The following EPHA6 variants were observed in gnomAD, a reference collection of about 807,000 sequenced individuals.
EPHA6 encodes EPH receptor A6, also known as ephrin type-A receptor 6.
EPHA6 carries 50 observed loss-of-function variants against 112.0 expected under a neutral mutation model. The ratio of observed to expected loss-of-function variants is 0.45; its 90% CI spans 0.36 to 0.56. The LOEUF (loss-of-function observed/expected upper bound fraction) is 0.56. EPHA6 is among the 20% of genes least tolerant of loss of function. The pLI, the probability that EPHA6 is intolerant of heterozygous loss-of-function variation, is 0.00. For synonymous variants in EPHA6, 529 were observed against 490.7 expected (o/e 1.08, Z -1.03); for missense variants, 1,280 against 1,417.4 (o/e 0.90, Z 1.56).
At chr3:96,945,184 G>T (rs948570017) in intron 2 of EPHA6, among the ~76,000 whole-genome samples, 10 of 152,092 alleles carry the variant, frequency 6.6e-5, no homozygotes, top group African/African-American at 2.2e-4. Context: ...ATTGCAACCG[G>T]TCTGGTCCAT....
At chr3:97,481,849 G>T (rs372440392) in intron 9 of EPHA6, among the ~76,000 whole-genome samples, 1 of 152,198 alleles carries the variant, frequency 6.6e-6, no homozygotes, top group Non-Finnish European at 1.5e-5. Flanking sequence ...ATGACTTAAC[G>T]CAGGGCAACC....
chr3:97,085,635 A>G (rs1400611184), intron 3 of EPHA6, among the ~76,000 whole-genome samples: 2 of 152,060 alleles, frequency 1.3e-5, no homozygotes, highest in Non-Finnish European at 2.9e-5. Context: ...ACTTTTATCC[A>G]AAAGAATTTA....
chr3:97,328,774 C>T (rs1375617343), intron 5 of EPHA6, among the ~76,000 whole-genome samples: 1 of 151,952 alleles, frequency 6.6e-6, no homozygotes, highest in African/African-American at 2.4e-5. Context: ...TCATTGCTGA[C>T]TCCTAAATTC....
intron 11 of EPHA6, among the ~76,000 whole-genome samples, chr3:97,581,453 C>A (rs1338601397): frequency 1.3e-5 from 2 of 152,100 alleles, no homozygotes; most frequent in African/African-American, 2.4e-5. Context: ...AGTTCTATTG[C>A]ACGTATTAAA....
At chr3:97,517,491 A>T (rs1395080145) in intron 10 of EPHA6, among the ~76,000 whole-genome samples, 1 of 152,016 alleles carries the variant, frequency 6.6e-6, no homozygotes, top group African/African-American at 2.4e-5. Flanking sequence ...CAATAATTTT[A>T]TATATTAATG....
chr3:97,182,333 A>G (rs1164119567), intron 3 of EPHA6, among the ~76,000 whole-genome samples: 1 of 148,798 alleles, frequency 6.7e-6, no homozygotes, highest in Non-Finnish European at 1.5e-5. Flanking sequence ...TTATAATATT[A>G]TATATAATTA....
At chr3:97,040,402 A>G (rs1272772547) in intron 3 of EPHA6, among the ~76,000 whole-genome samples, 2 of 152,026 alleles carry the variant, frequency 1.3e-5, no homozygotes, top group Non-Finnish European at 2.9e-5. Context: ...CAACTTCATT[A>G]TATCTGAGAT....
intron 11 of EPHA6, among the ~76,000 whole-genome samples, chr3:97,552,537 A>C (rs558319625): frequency 6.6e-6 from 1 of 152,330 alleles, no homozygotes; most frequent in Non-Finnish European, 1.5e-5. Flanking sequence ...TATGTGTTAA[A>C]GATATCTCTC....
At chr3:97,204,170 G>A (rs1449560169) in intron 3 of EPHA6, among the ~76,000 whole-genome samples, 1 of 152,064 alleles carries the variant, frequency 6.6e-6, no homozygotes. Flanking sequence ...TTAAGGAATA[G>A]TGAAATTGTG....
intron 6 of EPHA6, among the ~76,000 whole-genome samples, chr3:97,428,834 C>G (rs1159519612): frequency 1.3e-5 from 2 of 152,148 alleles, no homozygotes; most frequent in African/African-American, 2.4e-5. Flanking sequence ...AAAGAGCAGT[C>G]TCCTCTTGGG....
intron 3 of EPHA6, among the ~76,000 whole-genome samples, chr3:97,014,406 C>T (rs916113721): frequency 1.3e-5 from 2 of 151,338 alleles, no homozygotes; most frequent in African/African-American, 4.9e-5. Flanking sequence ...TCTCCCTTCA[C>T]CTCCTTCCTT....
chr3:97,060,817 C>G (rs1009159223), intron 3 of EPHA6, among the ~76,000 whole-genome samples: 3 of 148,288 alleles, frequency 2.0e-5, no homozygotes, highest in Non-Finnish European at 4.5e-5. Context: ...CCAGCTACTC[C>G]GGAGGCTGAG....
intron 14 of EPHA6, among the ~76,000 whole-genome samples, chr3:97,664,850 T>A (rs905416693): frequency 6.6e-6 from 1 of 152,232 alleles, no homozygotes; most frequent in Non-Finnish European, 1.5e-5. Context: ...CATTCCATGC[T>A]GATGGATAGG....
chr3:97,143,931 C>T (rs529447517), intron 3 of EPHA6, among the ~76,000 whole-genome samples: 1 of 151,234 alleles, frequency 6.6e-6, no homozygotes, highest in East Asian at 1.9e-4. Context: ...ATGAGGATTA[C>T]ATAATTGTTT....
chr3:97,095,777 A>G (rs748968334), intron 3 of EPHA6, among the ~76,000 whole-genome samples: 1 of 151,670 alleles, frequency 6.6e-6, no homozygotes, highest in Admixed American at 6.6e-5. Flanking sequence ...AAAAAAAAAA[A>G]CAAGCAAACA....
chr3:97,146,877 A>G (rs1321800880), intron 3 of EPHA6, among the ~76,000 whole-genome samples: 2 of 152,070 alleles, frequency 1.3e-5, no homozygotes, highest in Non-Finnish European at 2.9e-5. Flanking sequence ...AAAGAAATGA[A>G]AAGAAAAATA....
At chr3:97,262,553 T>A (rs1943325911) in intron 5 of EPHA6, among the ~76,000 whole-genome samples, 1 of 152,164 alleles carries the variant, frequency 6.6e-6, no homozygotes, top group Admixed American at 6.5e-5. Context: ...CAATCTGGTG[T>A]TTTTTGCAGT....
At chr3:97,229,598 A>G (rs2078462423) in intron 4 of EPHA6, among the ~76,000 whole-genome samples, 1 of 152,066 alleles carries the variant, frequency 6.6e-6, no homozygotes, top group Non-Finnish European at 1.5e-5. Context: ...TGCTTATTTT[A>G]TTTACTTCCA....
chr3:97,706,072 A>C lies in EPHA6; in HGVS notation c.2785-14189A>C, dbSNP rs186275336. On this transcript the variant is annotated intron_variant, in intron 14 of 17. Coordinates refer to ENST00000389672, the MANE Select transcript of EPHA6 (RefSeq NM_001080448.3). Reference sequence around the variant, plus strand: ...AATGTATTCACTGGAAAAATCTGCTATAAAACAGTGAATATATTATGCAAG... The same window carrying C: ...AATGTATTCACTGGAAAAATCTGCTCTAAAACAGTGAATATATTATGCAAG... Among the ~76,000 whole-genome samples, 216 of 152,348 alleles carry C rather than the reference A, an allele frequency of 1.4e-3. 1 individual carries two copies. The highest frequency in any genetic ancestry group is 2.6e-4 in the Non-Finnish European group (18 of 68,022).
Sources: gnomAD v4.1 joint callset for allele counts (sites outside exome capture counted in the v4.1 genomes callset) on GRCh38, gnomAD v4.1.1 for gene constraint, MANE v1.5 for transcripts, NCBI Gene and HGNC (gene_info 2026-07-23, HGNC 2026-07-21) for gene names.